Variants in BOC observed in about 807,000 individuals in gnomAD.
BOC encodes BOC cell adhesion associated, oncogene regulated.
A neutral mutation model predicts 112.0 loss-of-function variants in BOC; 76 were observed. The ratio of observed to expected loss-of-function variants is 0.68; its 90% CI spans 0.56 to 0.82. BOC has a LOEUF of 0.82. Ranked by LOEUF, BOC falls within the 40% of genes least tolerant of loss-of-function variation. BOC has a pLI of 0.00. For synonymous variants in BOC, 580 were observed against 599.8 expected, an observed-to-expected ratio of 0.97 and a Z score of 0.48; for missense variants, 1,309 against 1,511.7, an observed-to-expected ratio of 0.87 and a Z score of 2.22.
chr3:113,275,213 T>G (rs1477585550), intron 9 of BOC, among the ~76,000 whole-genome samples: 1 of 152,210 alleles, frequency 6.6e-6, no homozygotes, highest in Admixed American at 6.5e-5. Flanking sequence ...CTGTCATGGC[T>G]TGGGTTGGAC....
In BOC at chr3:113,273,169, G is replaced by C. The variant is rs1465215324; in HGVS notation, c.1062G>C (p.Val354=). 1.2e-6 allele frequency: 2 copies of C among 1,614,072 alleles called. No individual in the cohort carries two copies. The highest frequency in any genetic ancestry group is 1.7e-6 in the Non-Finnish European group (2 of 1,180,022). ...TGCGTGGGAACCCCCCGCCCTCCGTGCTGTGGCTGAGGAATGCTGTGCCCC... is the reference window on the plus strand; with the variant it reads ...TGCGTGGGAACCCCCCGCCCTCCGTCCTGTGGCTGAGGAATGCTGTGCCCC... The part of the protein sequence containing the change: ...CEVRGNPPPS[V]LWLRNAVPLI... Residue 354 remains valine (V), a synonymous_variant, in exon 8 of 20, where the codon GTG becomes GTC. Transcript: ENST00000682979.
intron 4 of BOC, among the ~76,000 whole-genome samples, chr3:113,253,417 T>TA (rs906785411): frequency 2.6e-5 from 4 of 151,156 alleles, no homozygotes; most frequent in Non-Finnish European, 4.4e-5. Context: ...AAATTTTTTT[T>TA]AAAAAAATAG....
intron 2 of BOC, among the ~76,000 whole-genome samples, chr3:113,234,890 C>G (rs972604885): frequency 2.0e-5 from 3 of 152,204 alleles, no homozygotes; most frequent in Non-Finnish European, 4.4e-5. Flanking sequence ...TGGCTTGCTC[C>G]CTCGAGCGCT....
chr3:113,266,816 A>G (rs1162022453), intron 4 of BOC, among the ~76,000 whole-genome samples: 1 of 152,206 alleles, frequency 6.6e-6, no homozygotes, highest in Non-Finnish European at 1.5e-5. Context: ...CAGAAACAAC[A>G]GGGCTTCCTC....
chr3:113,263,172 A>G (rs928183919), intron 4 of BOC, among the ~76,000 whole-genome samples: 4 of 152,214 alleles, frequency 2.6e-5, no homozygotes, highest in East Asian at 3.9e-4. Flanking sequence ...AGAATTATCC[A>G]TCAGTCCAGA....
intron 2 of BOC, among the ~76,000 whole-genome samples, chr3:113,242,265 C>T (rs888228381): frequency 5.3e-5 from 8 of 152,080 alleles, no homozygotes; most frequent in Non-Finnish European, 1.0e-4. Flanking sequence ...AGTGGTTTTC[C>T]TTTTCTTTCG....
intron 2 of BOC, among the ~76,000 whole-genome samples, chr3:113,232,588 T>C (rs996366224): frequency 6.9e-6 from 1 of 144,852 alleles, no homozygotes; most frequent in African/African-American, 2.6e-5. Context: ...TGTGTGTGTG[T>C]GTGCACACGT....
chr3:113,240,336 G>A (rs1944128046), intron 2 of BOC, among the ~76,000 whole-genome samples: 2 of 152,218 alleles, frequency 1.3e-5, no homozygotes, highest in Non-Finnish European at 2.9e-5. Flanking sequence ...TACTGGAGGA[G>A]GGGATAACAA....
intron 4 of BOC, among the ~76,000 whole-genome samples, chr3:113,265,942 A>AT (rs1461660111): frequency 6.6e-6 from 1 of 152,260 alleles, no homozygotes; most frequent in Non-Finnish European, 1.5e-5. Flanking sequence ...CCTCAGTACT[A>AT]TGCAATAGAA....
In BOC at chr3:113,244,702, C is replaced by T. The variant is rs6768870; in HGVS notation, c.-81-5020C>T. The stretch of plus-strand genomic sequence containing the variant: ...ATTTCCATCATTGCAGAAAATTCTA[C>T]GGAAGGGGCTTATGCAATGAACAGT... On this transcript the variant is annotated intron_variant, in intron 2 of 19. Transcript: ENST00000682979. Among the ~76,000 whole-genome samples, 1,200 of 152,076 alleles carry T rather than the reference C, an allele frequency of 7.9e-3. 21 individuals carry two copies. Among genetic ancestry groups the T allele is most frequent in the African/African-American group, 0.028 (1,143 of 41,444 alleles).
intron 2 of BOC, among the ~76,000 whole-genome samples, chr3:113,245,890 G>A (rs1318802185): frequency 6.6e-6 from 1 of 152,180 alleles, no homozygotes; most frequent in Non-Finnish European, 1.5e-5. Context: ...GACAGCTGCC[G>A]TGGCATGGGC....
chr3:113,233,148 G>GGGTGTGT (rs75678874), intron 2 of BOC, among the ~76,000 whole-genome samples: 2,147 of 124,050 alleles, frequency 0.017, 27 homozygotes, highest in Non-Finnish European at 0.026. Context: ...AAAGGATTGG[G>GGGTGTGT]GTGTGTGTGT....
chr3:113,239,969 C>T (rs1576379527), intron 2 of BOC, among the ~76,000 whole-genome samples: 1 of 152,172 alleles, frequency 6.6e-6, no homozygotes, highest in South Asian at 2.1e-4. Context: ...GTGTCTCCAC[C>T]GACTCTGGCT....
At chr3:113,231,758 TA>T (rs1942647734) in intron 2 of BOC, among the ~76,000 whole-genome samples, 1 of 152,240 alleles carries the variant, frequency 6.6e-6, no homozygotes, top group Admixed American at 6.5e-5. Flanking sequence ...TATTCCTCAC[TA>T]ATCTCCTTTC....
chr3:113,248,899 G>T (rs1046370327), intron 2 of BOC, among the ~76,000 whole-genome samples: 1 of 152,156 alleles, frequency 6.6e-6, no homozygotes, highest in African/African-American at 2.4e-5. Flanking sequence ...TACAACTTGG[G>T]TAATCAAGAG....
chr3:113,234,351 G>A (rs541081739), intron 2 of BOC, among the ~76,000 whole-genome samples: 59 of 152,280 alleles, frequency 3.9e-4, no homozygotes, highest in African/African-American at 1.4e-3. Context: ...GACGGCCTGT[G>A]TGTGTGTATG....
Position 113,274,711 on chromosome 3 carries a change from C to G in BOC, c.1542+29C>G. 1.3e-6 allele frequency: 2 copies of G among 1,551,592 alleles called. No individual in the cohort carries two copies. The highest frequency in any genetic ancestry group is 1.2e-5 in the South Asian group (1 of 82,416). On this transcript the variant is annotated intron_variant, in intron 9 of 19. Coordinates refer to ENST00000682979, the MANE Select transcript of BOC (RefSeq NM_001378074.1). The surrounding 1 kb of genome is among the most constrained non-coding windows in gnomAD (Gnocchi z 4.8). ...TGGCCCTGGTGTGGGGCTGCTGCCT[C>G]CCCTGCACAGCCTTTCCAGCAAGGC...
At chr3:113,268,920 C>A (rs553490153) in intron 5 of BOC, among the ~76,000 whole-genome samples, 1 of 152,308 alleles carries the variant, frequency 6.6e-6, no homozygotes, top group East Asian at 1.9e-4. Flanking sequence ...GATATTTGGT[C>A]CTGTAGGGTC....
At chr3:113,247,013 C>T (rs1421564861) in intron 2 of BOC, among the ~76,000 whole-genome samples, 1 of 152,190 alleles carries the variant, frequency 6.6e-6, no homozygotes, top group African/African-American at 2.4e-5. Flanking sequence ...TGAATTTCCT[C>T]AGTAAAATAT....
Sources: allele counts gnomAD v4.1 joint callset (sites outside exome capture counted in the v4.1 genomes callset), GRCh38; gene constraint gnomAD v4.1.1; non-coding constraint Gnocchi (gnomAD v3.1); transcripts MANE v1.5; gene names NCBI Gene and HGNC (gene_info 2026-07-23, HGNC 2026-07-21).